The following KIF13B variants were observed in gnomAD, a reference collection of about 807,000 sequenced individuals.
The protein encoded by KIF13B is kinesin family member 13B.
KIF13B carries 127 observed loss-of-function variants against 222.0 expected under a neutral mutation model. The observed-to-expected ratio is 0.57, with a 90% confidence interval of 0.50 to 0.66. KIF13B has a LOEUF of 0.66. KIF13B is among the 30% of genes least tolerant of loss of function. The probability of loss-of-function intolerance (pLI) is 0.00; values close to 1 mark genes in which losing one functional copy is unlikely to be tolerated. For synonymous variants in KIF13B, 976 were observed against 919.0 expected (o/e 1.06, Z -1.12); for missense variants, 2,173 against 2,379.0 (o/e 0.91, Z 1.80).
At chr8:29,183,190 A>G (rs1489298567) in intron 6 of KIF13B, among the ~76,000 whole-genome samples, 1 of 95,132 alleles carries the variant, frequency 1.1e-5, no homozygotes, top group Non-Finnish European at 2.1e-5. Flanking sequence ...TTTTTTTTCC[A>G]ATGGAGTCTT....
chr8:29,073,741 T>C (rs1004538518), intron 38 of KIF13B, among the ~76,000 whole-genome samples: 8 of 152,182 alleles, frequency 5.3e-5, no homozygotes, highest in Non-Finnish European at 1.2e-4. Context: ...TGATAAATCA[T>C]GCGTTTTCCC....
chr8:29,081,827 G>A (rs1807828546), intron 37 of KIF13B, among the ~76,000 whole-genome samples: 2 of 152,210 alleles, frequency 1.3e-5, no homozygotes, highest in Admixed American at 1.3e-4. Context: ...CTGGTGTGGT[G>A]CCAGGTATGC....
intron 22 of KIF13B, among the ~76,000 whole-genome samples, chr8:29,132,956 C>T (rs1480032848): frequency 6.6e-6 from 1 of 152,176 alleles, no homozygotes; most frequent in Non-Finnish European, 1.5e-5. Context: ...CCAGCCTGTC[C>T]ATCTTTATAA....
intron 35 of KIF13B, among the ~76,000 whole-genome samples, chr8:29,101,190 G>A (rs959390878): frequency 6.6e-5 from 10 of 152,060 alleles, no homozygotes; most frequent in Non-Finnish European, 1.2e-4. Flanking sequence ...GGGAAGCTGC[G>A]GCCTTGTATA....
intron 2 of KIF13B, among the ~76,000 whole-genome samples, chr8:29,198,229 G>C (rs1385292276): frequency 6.6e-6 from 1 of 152,108 alleles, no homozygotes; most frequent in Non-Finnish European, 1.5e-5. Context: ...AGAATTTCCT[G>C]ACAAAAAGAC....
chr8:29,177,919 A>G (rs1812550962), intron 8 of KIF13B, among the ~76,000 whole-genome samples: 1 of 152,200 alleles, frequency 6.6e-6, no homozygotes, highest in African/African-American at 2.4e-5. Flanking sequence ...TTAAAAAACA[A>G]TACAAAAAGC....
At chr8:29,253,216 G>A (rs1016845340) in intron 1 of KIF13B, among the ~76,000 whole-genome samples, 1 of 152,120 alleles carries the variant, frequency 6.6e-6, no homozygotes, top group Admixed American at 6.5e-5. Flanking sequence ...GTAGTGGCAT[G>A]CACCTGTAGC....
Position 29,132,304 on chromosome 8 carries a change from T to C in KIF13B, c.2942+4A>G. The C allele has an allele frequency of 6.8e-7, 1 of 1,480,900 alleles. No individual in the cohort carries two copies. Among genetic ancestry groups the C allele is most frequent in the Non-Finnish European group, 9.0e-7 (1 of 1,114,006 alleles). The allele number at this position is 1,480,900 out of a possible 1,614,324, so 91.7% of individuals were successfully genotyped here. ...ATGGAATCAGATGAACATCTAATAT[T>C]CACCTGTCCCGAAGACTACGTGTCT... On this transcript the variant is annotated splice_donor_region_variant and intron_variant, in intron 23 of 39. Coordinates refer to ENST00000524189, the MANE Select transcript of KIF13B (RefSeq NM_015254.4).
chr8:29,257,081 G>A (rs1290214638), intron 1 of KIF13B, among the ~76,000 whole-genome samples: 1 of 152,158 alleles, frequency 6.6e-6, no homozygotes, highest in Non-Finnish European at 1.5e-5. Flanking sequence ...AGTCTGGTTT[G>A]AAGAATAAAA....
intron 2 of KIF13B, among the ~76,000 whole-genome samples, chr8:29,208,935 A>G (rs1199316420): frequency 6.6e-6 from 1 of 152,180 alleles, no homozygotes; most frequent in African/African-American, 2.4e-5. Flanking sequence ...GCCTCTGTGC[A>G]TCTGCCAAAC....
chr8:29,180,091 T>G lies in KIF13B; in HGVS notation c.720+13A>C. 3 of 1,613,608 alleles carry G rather than the reference T, an allele frequency of 1.9e-6. No individual in the cohort carries two copies. Among genetic ancestry groups the G allele is most frequent in the African/African-American group, 1.3e-5 (1 of 75,008 alleles). On this transcript the variant is annotated intron_variant, in intron 8 of 39. Transcript: ENST00000524189. ...TAGAAATATAAAAACAGGTCATGCATCTGAACACCTACCCCAGACTTCACA... is the reference window on the plus strand; with the variant it reads ...TAGAAATATAAAAACAGGTCATGCAGCTGAACACCTACCCCAGACTTCACA...
chr8:29,131,037 G>A (rs977714264), intron 23 of KIF13B, among the ~76,000 whole-genome samples: 11 of 152,108 alleles, frequency 7.2e-5, no homozygotes, highest in Non-Finnish European at 1.0e-4. Flanking sequence ...GATACAGCTC[G>A]AGGCTATTAT....
intron 1 of KIF13B, among the ~76,000 whole-genome samples, chr8:29,249,678 CA>C (rs1412917895): frequency 6.6e-6 from 1 of 152,142 alleles, no homozygotes; most frequent in Non-Finnish European, 1.5e-5. Context: ...TAACTTTTCT[CA>C]CATCAGTTAT....
At chr8:29,187,352 A>G (rs1460980221) in intron 5 of KIF13B, among the ~76,000 whole-genome samples, 1 of 152,146 alleles carries the variant, frequency 6.6e-6, no homozygotes, top group Non-Finnish European at 1.5e-5. Flanking sequence ...ACATGGTGAA[A>G]CCCCTTCTCT....
chr8:29,240,124 A>C (rs1000295253), intron 2 of KIF13B, among the ~76,000 whole-genome samples: 4 of 150,986 alleles, frequency 2.6e-5, no homozygotes, highest in Admixed American at 1.3e-4. Flanking sequence ...TATTATTTTC[A>C]GCTCCTTTTA....
chr8:29,070,607 G>A lies in KIF13B; in HGVS notation c.5378C>T (p.Thr1793Ile), dbSNP rs1400539555. 4.4e-6 allele frequency: 7 copies of A among 1,589,940 alleles called. No individual in the cohort carries two copies. The highest frequency in any genetic ancestry group is 1.7e-5 in the Admixed American group (1 of 57,202). Residue 1793 changes from threonine (T) to isoleucine (I), a missense_variant, in exon 40 of 40, where the codon ACC becomes ATC. By Grantham distance (89) the Thr-to-Ile change is moderately conservative. Coordinates refer to ENST00000524189, the MANE Select transcript of KIF13B (RefSeq NM_015254.4). This position sits in a 1 kb window ranked among gnomAD's most constrained non-coding sequence, Gnocchi z 4.1. ...LGAPEARRSATLSGSATNLAS... is the reference protein window; with the variant it reads ...LGAPEARRSAILSGSATNLAS... ...CAGGTTGGTGGCGGAGCCCGAGAGG[G>A]TGGCGCTCCGGCGGGCCTCGGGGGC...
At chr8:29,187,194 A>G (rs1164092972) in intron 5 of KIF13B, among the ~76,000 whole-genome samples, 1 of 152,162 alleles carries the variant, frequency 6.6e-6, no homozygotes, top group Non-Finnish European at 1.5e-5. Context: ...CCCTTTCACT[A>G]TAGTGTGGAA....
chr8:29,183,379 T>A (rs1365668510), intron 6 of KIF13B, among the ~76,000 whole-genome samples: 1 of 152,130 alleles, frequency 6.6e-6, no homozygotes, highest in Non-Finnish European at 1.5e-5. Context: ...CTCGAACTCC[T>A]GACCCCAAGT....
chr8:29,186,142 A>G, intron 6 of KIF13B, 150 bp downstream of exon 6: 1 of 626,796 alleles, frequency 1.6e-6, no homozygotes, highest in Non-Finnish European at 2.7e-6. Flanking sequence ...CAGGAGTTCA[A>G]GGCTGAAGTA....
Sources: allele counts gnomAD v4.1 joint callset (sites outside exome capture counted in the v4.1 genomes callset), GRCh38; gene constraint gnomAD v4.1.1; non-coding constraint Gnocchi (gnomAD v3.1); transcripts MANE v1.5; gene names NCBI Gene and HGNC (gene_info 2026-07-23, HGNC 2026-07-21).